Variants in LRRC4C observed in about 807,000 individuals in gnomAD.
The protein encoded by LRRC4C is leucine-rich repeat-containing protein 4C.
A neutral mutation model predicts 33.6 loss-of-function variants in LRRC4C; 5 were observed. The observed-to-expected ratio is 0.15, with a 90% CI of 0.08 to 0.31. The LOEUF is 0.31. Among genes scored for constraint, LRRC4C ranks in the 10% least tolerant of loss-of-function variants. LRRC4C has a pLI of 1.00. For synonymous variants in LRRC4C, 329 were observed against 302.0 expected (o/e 1.09, Z -0.93); for missense variants, 560 against 796.7 (o/e 0.70, Z 3.58).
At chr11:41,011,472 T>A (rs954556916) in intron 1 of LRRC4C, among the ~76,000 whole-genome samples, 1 of 152,178 alleles carries the variant, frequency 6.6e-6, no homozygotes, top group Non-Finnish European at 1.5e-5. Flanking sequence ...TCTGCAACTT[T>A]TATTCTACTT....
intron 2 of LRRC4C, among the ~76,000 whole-genome samples, chr11:40,653,186 T>C (rs1480529223): frequency 6.6e-6 from 1 of 152,158 alleles, no homozygotes; most frequent in African/African-American, 2.4e-5. Flanking sequence ...GGTGCTGATA[T>C]AAAGATACCT....
chr11:41,154,541 T>C lies in LRRC4C; in HGVS notation c.-495-220818A>G, dbSNP rs369190673. ...TGGTGAATTAAATTAAATTGAATTA[T>C]AAAGATTCAATAAAGTTTTTCAAAG... On this transcript the variant is annotated intron_variant, in intron 1 of 6. Coordinates refer to ENST00000528697, the MANE Select transcript of LRRC4C (RefSeq NM_001258419.2). Among the ~76,000 whole-genome samples, 15 of 152,280 alleles carry C rather than the reference T, an allele frequency of 9.9e-5. 1 individual carries two copies. Among genetic ancestry groups the C allele is most frequent in the Admixed American group, 5.9e-4 (9 of 15,270 alleles).
At chr11:40,312,128 C>T (rs1482156371) in intron 4 of LRRC4C, among the ~76,000 whole-genome samples, 1 of 152,044 alleles carries the variant, frequency 6.6e-6, no homozygotes, top group African/African-American at 2.4e-5. Flanking sequence ...CACCAACTCC[C>T]TTCTGTTGAT....
At chr11:41,034,987 TTTA>T in intron 1 of LRRC4C, among the ~76,000 whole-genome samples, 1 of 150,822 alleles carries the variant, frequency 6.6e-6, no homozygotes, top group Admixed American at 6.6e-5. Flanking sequence ...TTATTTTGTT[TTTA>T]TTTTTATTTT....
chr11:41,268,338 T>C (rs779359586), intron 1 of LRRC4C, among the ~76,000 whole-genome samples: 5 of 152,094 alleles, frequency 3.3e-5, no homozygotes, highest in Non-Finnish European at 7.4e-5. Context: ...ATCACAGCCT[T>C]GCAGAGGACC....
At chr11:40,986,349 A>C (rs540911503) in intron 1 of LRRC4C, among the ~76,000 whole-genome samples, 96 of 152,258 alleles carry the variant, frequency 6.3e-4, no homozygotes, top group Admixed American at 2.6e-3. Context: ...TGTAATCTCA[A>C]CACTTTTGGA....
At chr11:40,424,532 TAAAC>T (rs1410696917) in intron 3 of LRRC4C, among the ~76,000 whole-genome samples, 1 of 152,188 alleles carries the variant, frequency 6.6e-6, no homozygotes, top group Non-Finnish European at 1.5e-5. Flanking sequence ...TATATTTTAA[TAAAC>T]AAATATGTAT....
chr11:40,328,350 T>C (rs1006830338), intron 3 of LRRC4C, among the ~76,000 whole-genome samples: 1 of 152,182 alleles, frequency 6.6e-6, no homozygotes, highest in Non-Finnish European at 1.5e-5. Context: ...ATCATTACTA[T>C]CACCTGAAGT....
chr11:40,923,431 A>T (rs1158180663), intron 2 of LRRC4C, among the ~76,000 whole-genome samples: 1 of 152,142 alleles, frequency 6.6e-6, no homozygotes, highest in Non-Finnish European at 1.5e-5. Flanking sequence ...TATTGCTTTG[A>T]CCAATAATGT....
In LRRC4C at chr11:41,235,048, T is replaced by C. The variant is rs1947958061; in HGVS notation, c.-496+224383A>G. On this transcript the variant is annotated intron_variant, in intron 1 of 6. Coordinates refer to ENST00000528697, the MANE Select transcript of LRRC4C (RefSeq NM_001258419.2). ...CTCAGGAAGATATAAAATGGAAGGG[T>C]TCTATAAACATGTGGATAAAAAAAA... Among the ~76,000 whole-genome samples the C allele has an allele frequency of 4.0e-5, 6 of 151,848 alleles. No homozygotes were observed. The South Asian group carries it at 1.2e-3, about 32-fold the overall frequency.
At chr11:41,064,866 T>C (rs528107228) in intron 1 of LRRC4C, among the ~76,000 whole-genome samples, 152 of 152,284 alleles carry the variant, frequency 1.0e-3, no homozygotes, top group African/African-American at 3.5e-3. Flanking sequence ...AGGGACTGTT[T>C]TACCTGCCAG....
chr11:40,374,896 G>A (rs1479493886), intron 3 of LRRC4C, among the ~76,000 whole-genome samples: 22 of 152,160 alleles, frequency 1.4e-4, no homozygotes, highest in Admixed American at 1.4e-3. Context: ...CATTTTACAA[G>A]TGAGAAAACC....
chr11:40,761,289 T>C (rs2137072977), intron 2 of LRRC4C, among the ~76,000 whole-genome samples: 2 of 152,252 alleles, frequency 1.3e-5, no homozygotes, highest in South Asian at 4.1e-4. Flanking sequence ...CAGTGTTAAC[T>C]ATAACAGCAT....
intron 2 of LRRC4C, among the ~76,000 whole-genome samples, chr11:40,782,214 C>T (rs1433912361): frequency 6.6e-6 from 1 of 152,110 alleles, no homozygotes; most frequent in Non-Finnish European, 1.5e-5. Context: ...TATATACTTT[C>T]AGATACCTTT....
chr11:40,540,531 G>T (rs7947541), intron 3 of LRRC4C, among the ~76,000 whole-genome samples: 51,835 of 151,962 alleles, frequency 0.34, 10,622 homozygotes, highest in East Asian at 0.65. Flanking sequence ...CCTGAATGGG[G>T]ATAAAAGCCA....
At chr11:41,111,948 G>C (rs560438424) in intron 1 of LRRC4C, among the ~76,000 whole-genome samples, 1 of 151,984 alleles carries the variant, frequency 6.6e-6, no homozygotes, top group South Asian at 2.1e-4. Context: ...TTCATAGAAA[G>C]GTCTAGCAGA....
At chr11:41,180,949 A>G (rs149769828) in intron 1 of LRRC4C, among the ~76,000 whole-genome samples, 1 of 152,258 alleles carries the variant, frequency 6.6e-6, no homozygotes, top group Non-Finnish European at 1.5e-5. Context: ...CATCCTCATG[A>G]GTTGCGAATT....
At chr11:41,120,399 C>A (rs1367083279) in intron 1 of LRRC4C, among the ~76,000 whole-genome samples, 1 of 152,108 alleles carries the variant, frequency 6.6e-6, no homozygotes, top group East Asian at 1.9e-4. Context: ...ATTCTCCATC[C>A]CATTCTATGC....
intron 3 of LRRC4C, among the ~76,000 whole-genome samples, chr11:40,327,090 C>T (rs1362232274): frequency 6.6e-6 from 1 of 152,176 alleles, no homozygotes. Context: ...AATCTTAATG[C>T]TGAATGTGGT....
Sources: gnomAD v4.1 joint callset for allele counts (sites outside exome capture counted in the v4.1 genomes callset) on GRCh38, gnomAD v4.1.1 for gene constraint, MANE v1.5 for transcripts, NCBI Gene and HGNC (gene_info 2026-07-23, HGNC 2026-07-21) for gene names.